The following FH variants were observed in gnomAD, a reference collection of about 807,000 sequenced individuals.
FH encodes fumarate hydratase, mitochondrial.
A neutral mutation model predicts 49.4 loss-of-function variants in FH; 22 were observed. The ratio of observed to expected loss-of-function variants is 0.45; its 90% CI spans 0.32 to 0.64. The LOEUF (loss-of-function observed/expected upper bound fraction) is 0.64, where lower values mean the gene tolerates loss of function less well. FH is among the 30% of genes least tolerant of loss of function. The pLI, the probability that FH is intolerant of heterozygous loss-of-function variation, is 0.05. For synonymous variants in FH, 208 were observed against 223.0 expected, an observed-to-expected ratio of 0.93 and a Z score of 0.60; for missense variants, 526 against 641.5, an observed-to-expected ratio of 0.82 and a Z score of 1.95.
At position 241,504,321 on chromosome 1, in the gene FH, G is replaced by A. The variant is rs115081518; in HGVS notation, c.905-76C>T. 1,370 of 1,384,092 alleles carry A rather than the reference G, an allele frequency of 9.9e-4. 7 individuals are homozygous for A. The highest frequency in any genetic ancestry group is 7.7e-3 in the South Asian group (623 of 81,192). 85.7% of individuals were successfully genotyped at this position (1,384,092 alleles called of 1,614,324 possible). A position where few individuals can be genotyped will look rare whatever the true frequency, so the allele number is the denominator to read the frequency against. On this transcript the variant is annotated intron_variant, in intron 6 of 9. Transcript: ENST00000366560. ...TTTTCTACCATTAGCAAGTGAAACA[G>A]AAAGTTCCAATATACGAAAAAATAA...
chr1:241,502,590 G>T lies in FH; in HGVS notation c.1109-20C>A. The T allele has an allele frequency of 6.2e-7, 1 of 1,613,570 alleles. No individual in the cohort carries two copies. The highest frequency in any genetic ancestry group is 1.1e-5 in the South Asian group (1 of 91,056). On this transcript the variant is annotated intron_variant, in intron 7 of 9. Coordinates refer to ENST00000366560, the MANE Select transcript of FH (RefSeq NM_000143.4). ...CCTTGCCTTCAAGAAAACCACCAATGACAGAGTAAAGACTAAATTTATGCA... is the reference window on the plus strand; with the variant it reads ...CCTTGCCTTCAAGAAAACCACCAATTACAGAGTAAAGACTAAATTTATGCA...
rs756990249 is a variant in FH at position 241,504,122 on chromosome 1, C to T, written c.1028G>A (p.Arg343Gln). 5 of 1,614,194 alleles carry T rather than the reference C, an allele frequency of 3.1e-6. No individual in the cohort carries two copies. The highest frequency in any genetic ancestry group is 3.4e-6 in the Non-Finnish European group (4 of 1,180,032). ...TGACCGAGGACCAGAACCCAAAAAT[C>T]GAATATCATTTGCTATCTTCATCAG... ...CSLMKIANDIRFLGSGPRSGL... is the reference protein window; with the variant it reads ...CSLMKIANDIQFLGSGPRSGL... Residue 343 changes from arginine to glutamine, a missense_variant, in exon 7 of 10, where the codon CGA (arginine) becomes CAA (glutamine). Arg to Gln is a conservative substitution (Grantham distance 43). Transcript: ENST00000366560.
chr1:241,504,102 G>A lies in FH; in HGVS notation c.1048C>T (p.Arg350Trp), dbSNP rs755436052. The stretch of plus-strand genomic sequence containing the variant: ...AAGATCAATTCTCCCAGACCTGACC[G>A]AGGACCAGAACCCAAAAATCGAATA... ...NDIRFLGSGPRSGLGELILPE... is the reference protein window; with the variant it reads ...NDIRFLGSGPWSGLGELILPE... The change falls in exon 7 of 10, where the codon CGG becomes TGG. Residue 350 changes from arginine (R) to tryptophan (W), a missense_variant. Transcript: ENST00000366560. 1.3e-5 allele frequency: 21 copies of A among 1,614,048 alleles called. No homozygotes were observed. The highest frequency in any genetic ancestry group is 4.4e-5 in the South Asian group (4 of 91,088).
At chr1:241,518,445 T>C (rs984371648) in intron 1 of FH, among the ~76,000 whole-genome samples, 10 of 152,140 alleles carry the variant, frequency 6.6e-5, no homozygotes, top group Non-Finnish European at 1.5e-4. Flanking sequence ...GAGCAGGGAG[T>C]TCGAGGAATA....
intron 9 of FH, among the ~76,000 whole-genome samples, chr1:241,499,693 A>C (rs964149936): frequency 1.7e-4 from 26 of 152,374 alleles, no homozygotes; most frequent in Admixed American, 1.4e-3. Context: ...AGAAAGGCAG[A>C]AAATATATTA....
At chr1:241,504,281 A>G in intron 6 of FH, 36 bp from the exon 7 acceptor site, 1 of 1,575,692 alleles carries the variant, frequency 6.3e-7, no homozygotes, top group South Asian at 1.1e-5. Context: ...TGGGTGAACA[A>G]GTTAAACTAA....
At chr1:241,502,407 G>A in intron 8 of FH, 36 bp downstream of exon 8, 1 of 1,612,328 alleles carries the variant, frequency 6.2e-7, no homozygotes, top group African/African-American at 1.3e-5. Context: ...ATAAGCCTTT[G>A]GTCAAAAAAC....
chr1:241,519,308 A>C, intron 1 of FH: 1 of 381,036 alleles, frequency 2.6e-6, no homozygotes, highest in Non-Finnish European at 4.7e-6. Flanking sequence ...TCGGCCCGCC[A>C]CGGACGGCTC....
At chr1:241,516,959 T>TA (rs1265534021) in intron 2 of FH, among the ~76,000 whole-genome samples, 1 of 152,150 alleles carries the variant, frequency 6.6e-6, no homozygotes, top group Non-Finnish European at 1.5e-5. Context: ...CCTTAAATTT[T>TA]AAAAAATCCA....
At position 241,517,228 on chromosome 1, in the gene FH, C is replaced by T. The variant is rs200922399; in HGVS notation, c.221G>A (p.Arg74Lys). Reference protein sequence around the residue: ...NDKYYGAQTVRSTMNFKIGGV... With the variant: ...NDKYYGAQTVKSTMNFKIGGV... Reference sequence around the variant, plus strand: ...TCCAATCTTAAAGTTCATCGTAGATCTCACGGTCTGGGCGCCATAATACTT... The same window carrying T: ...TCCAATCTTAAAGTTCATCGTAGATTTCACGGTCTGGGCGCCATAATACTT... Residue 74 changes from arginine to lysine, a missense_variant, in exon 2 of 10, where the codon AGA becomes AAA. By Grantham distance (26) the Arg-to-Lys change is conservative. This residue lies in a region of FH where 143 missense variants were observed against 127.5 expected (regional missense o/e 1.12). Coordinates refer to ENST00000366560, the MANE Select transcript of FH (RefSeq NM_000143.4). The T allele has an allele frequency of 1.2e-6, 2 of 1,614,204 alleles. No individual in the cohort carries two copies. The highest frequency in any genetic ancestry group is 1.7e-6 in the Non-Finnish European group (2 of 1,180,042).
At chr1:241,508,995 T>C (rs931079373) in intron 4 of FH, among the ~76,000 whole-genome samples, 1 of 151,242 alleles carries the variant, frequency 6.6e-6, no homozygotes, top group East Asian at 1.9e-4. Flanking sequence ...AACTGTATTA[T>C]ACACATTAAG....
At chr1:241,512,715 T>G (rs1456966030) in intron 3 of FH, among the ~76,000 whole-genome samples, 1 of 152,226 alleles carries the variant, frequency 6.6e-6, no homozygotes, top group Non-Finnish European at 1.5e-5. Context: ...AAAATCAGAA[T>G]GCACTTGAGA....
At chr1:241,511,789 A>C (rs1660090113) in intron 4 of FH, 178 bp downstream of exon 4, 1 of 604,278 alleles carries the variant, frequency 1.7e-6, no homozygotes, top group Non-Finnish European at 2.9e-6. Flanking sequence ...CCTAAAAATA[A>C]TTTTTATAAG....
chr1:241,513,545 C>A lies in FH; in HGVS notation c.378+58G>T. ...CTTTCCTTCTGCCAGAGCATATCGT[C>A]ATCCAGAGTATGGCATGGGTCTGAG... On this transcript the variant is annotated intron_variant, in intron 3 of 9. Transcript: ENST00000366560. 3.2e-6 allele frequency: 4 copies of A among 1,239,406 alleles called. No individual in the cohort carries two copies. The African/African-American group carries it at 4.4e-5, about 14-fold the overall frequency. 76.8% of individuals were successfully genotyped at this position (1,239,406 alleles called of 1,614,324 possible).
chr1:241,519,428 G>A lies in FH; in HGVS notation c.132+163C>T, dbSNP rs1660309071. The A allele has an allele frequency of 2.4e-5, 20 of 832,506 alleles. No individual in the cohort carries two copies. In the South Asian group the frequency reaches 3.9e-4, roughly 16 times the overall value. The allele number at this position is 832,506 out of a possible 1,614,324, so 51.6% of individuals were successfully genotyped here. A position where few individuals can be genotyped will look rare whatever the true frequency, so the allele number is the denominator to read the frequency against. On this transcript the variant is annotated intron_variant, in intron 1 of 9. Coordinates refer to ENST00000366560, the MANE Select transcript of FH (RefSeq NM_000143.4). ...ATCCCTGCGCCGGAAGAGGCGTCCC[G>A]AGGCCGGGAGGCCCGCCACGCCGGC...
At chr1:241,498,801 C>A (rs1224657369) in intron 9 of FH, among the ~76,000 whole-genome samples, 1 of 131,222 alleles carries the variant, frequency 7.6e-6, no homozygotes, top group African/African-American at 2.9e-5. Flanking sequence ...AAAACAAGAT[C>A]AGAGAAATAT....
chr1:241,497,994 CAT>C, intron 9 of FH, 24 bp from the exon 10 acceptor site: 1 of 1,613,398 alleles, frequency 6.2e-7, no homozygotes, highest in Non-Finnish European at 8.5e-7. Context: ...AAAAAGACGA[CAT>C]ATGGGTTAGC....
intron 4 of FH, among the ~76,000 whole-genome samples, chr1:241,510,367 AC>A (rs1008714816): frequency 2.2e-4 from 33 of 152,210 alleles, no homozygotes; most frequent in African/African-American, 8.0e-4. Flanking sequence ...CTAAAAGGAC[AC>A]AAGAGCCAAA....
chr1:241,507,094 T>C lies in FH; in HGVS notation c.739-926A>G, dbSNP rs571130371. Reference sequence around the variant, plus strand: ...TCATATACAGTCACGCACCACATAATGATGTTTCAGCCAACGAAAGATCAC... The same window carrying C: ...TCATATACAGTCACGCACCACATAACGATGTTTCAGCCAACGAAAGATCAC... On this transcript the variant is annotated intron_variant, in intron 5 of 9. Coordinates refer to ENST00000366560, the MANE Select transcript of FH (RefSeq NM_000143.4). Among the ~76,000 whole-genome samples the C allele has an allele frequency of 4.6e-5, 7 of 152,282 alleles. No homozygotes were observed. The East Asian group carries it at 1.2e-3, about 25-fold the overall frequency.
Sources: gnomAD v4.1 joint callset for allele counts (sites outside exome capture counted in the v4.1 genomes callset) on GRCh38, gnomAD v4.1.1 for gene constraint, gnomAD v4.1.1 regional missense constraint, MANE v1.5 for transcripts, NCBI Gene and HGNC (gene_info 2026-07-23, HGNC 2026-07-21) for gene names.